Variants in ESPL1 observed in about 807,000 individuals in gnomAD.
ESPL1 encodes the protein extra spindle pole bodies like 1, separase.
A neutral mutation model predicts 217.2 loss-of-function variants in ESPL1; 50 were observed. The ratio of observed to expected loss-of-function variants is 0.23; its 90% CI spans 0.18 to 0.29. The LOEUF is 0.29. ESPL1 is among the 10% of genes least tolerant of loss of function. ESPL1 has a pLI of 1.00. For missense variants in ESPL1, 1,834 were observed against 2,603.0 expected, an observed-to-expected ratio of 0.70 and a Z score of 6.43; for synonymous variants, 994 against 1,081.3, an observed-to-expected ratio of 0.92 and a Z score of 1.58.
At chr12:53,283,347 G>T in intron 15 of ESPL1, 35 bp from the exon 16 acceptor site, 2 of 1,613,328 alleles carry the variant, frequency 1.2e-6, no homozygotes, top group South Asian at 1.1e-5. Flanking sequence ...CCACACTGTG[G>T]CTGAGTGATG....
At chr12:53,287,516 C>T (rs1386748874) in intron 18 of ESPL1, 2 of 154,646 alleles carry the variant, frequency 1.3e-5, no homozygotes, top group Non-Finnish European at 2.9e-5. Context: ...AGGCGGGTGC[C>T]ACCACACCCA....
At chr12:53,278,044 C>A in intron 11 of ESPL1, 84 bp downstream of exon 11, 2 of 1,415,200 alleles carry the variant, frequency 1.4e-6, no homozygotes, top group Non-Finnish European at 1.9e-6. Flanking sequence ...GGCCTGTGAT[C>A]CTCCTGAGAA....
chr12:53,281,598 G>A lies in ESPL1; in HGVS notation c.2591G>A (p.Arg864Gln), dbSNP rs752710244. ...LLLSLTCDLL[R>Q]SQLYWTHQKV... ...CTTTCCCTGACCTGTGATCTGCTTC[G>A]AAGTCAACTCTACTGGACTCACCAG... is the stretch of plus-strand genomic sequence containing the variant. The change falls in exon 13 of 31, where the codon CGA becomes CAA. Residue 864 changes from arginine to glutamine, a missense_variant. Coordinates refer to ENST00000257934, the MANE Select transcript of ESPL1 (RefSeq NM_012291.5). 28 of 1,613,638 alleles carry A rather than the reference G, an allele frequency of 1.7e-5. No homozygotes were observed. The highest frequency in any genetic ancestry group is 4.4e-5 in the South Asian group (4 of 91,070).
Position 53,284,158 on chromosome 12 carries a change from T to C in ESPL1, c.3178T>C (p.Ser1060Pro), listed in dbSNP as rs370401595. 2.4e-5 allele frequency: 39 copies of C among 1,607,312 alleles called. No individual in the cohort carries two copies. The highest frequency in any genetic ancestry group is 1.1e-4 in the South Asian group (10 of 90,958). The change falls in exon 17 of 31, where the codon TCT (serine) becomes CCT (proline). Residue 1060 changes from serine to proline, a missense_variant. Physicochemically the swap from Ser to Pro is moderately conservative, Grantham distance 74. This residue lies in a region of ESPL1 where 681 missense variants were observed against 808.0 expected (regional missense o/e 0.84). Coordinates refer to ENST00000257934, the MANE Select transcript of ESPL1 (RefSeq NM_012291.5). ...DLQQVLFLLE[S>P]CTEFGGVTQH... Reference sequence around the variant, plus strand: ...GCAGCAGGTTCTGTTCTTGCTTGAGTCTTGCACAGGTGAGCAGCCATGTCC... The same window carrying C: ...GCAGCAGGTTCTGTTCTTGCTTGAGCCTTGCACAGGTGAGCAGCCATGTCC...
Position 53,288,035 on chromosome 12 carries a change from G to A in ESPL1, c.4240G>A (p.Glu1414Lys). 1 of 1,613,484 alleles carries A rather than the reference G, an allele frequency of 6.2e-7. No homozygotes were observed. Among genetic ancestry groups the A allele is most frequent in the Non-Finnish European group, 8.5e-7 (1 of 1,179,946 alleles). ...PVSAEAWLAE[E>K]PKRRGTASRG... The stretch of plus-strand genomic sequence containing the variant: ...CTCAGCTGAGGCCTGGCTGGCAGAG[G>A]AGCCTAAGAGACGGGGCACTGCTTC... The change falls in exon 19 of 31, where the codon GAG (glutamate) becomes AAG (lysine). Residue 1414 changes from glutamate (E) to lysine (K), a missense_variant. Around this residue, in one of 5 missense-constraint regions of ESPL1, gnomAD observed 681 missense variants for 808.0 expected, o/e 0.84. Transcript: ENST00000257934.
intron 13 of ESPL1, 89 bp downstream of exon 13, chr12:53,281,715 C>T: frequency 7.7e-7 from 1 of 1,302,516 alleles, no homozygotes. Flanking sequence ...TTGAGATTTC[C>T]CTGGAGCTAG....
intron 25 of ESPL1, 91 bp from the exon 26 acceptor site, chr12:53,291,598 AG>A (rs939130330): frequency 1.4e-6 from 2 of 1,401,350 alleles, no homozygotes; most frequent in African/African-American, 2.9e-5. Context: ...CAAAAAAAAA[AG>A]AAAACAGGGA....
intron 14 of ESPL1, 127 bp from the exon 15 acceptor site, chr12:53,283,002 T>G: frequency 2.2e-4 from 275 of 1,222,222 alleles, no homozygotes; most frequent in Non-Finnish European, 3.0e-4. Context: ...GAAGGAGTTA[T>G]GAGATTGATT....
Position 53,286,248 on chromosome 12 carries a change from G to A in ESPL1, c.3512G>A (p.Arg1171Lys). The A allele has an allele frequency of 6.2e-7, 1 of 1,614,240 alleles. No homozygotes were observed. ...TGGGTATTGGTCACGGCAGGGGTGA[G>A]GCTGGCCATGGGCCACCAAGCCCAG... ...LRWVLVTAGV[R>K]LAMGHQAQGL... The change falls in exon 18 of 31, where the codon AGG becomes AAG. Residue 1171 changes from arginine (R) to lysine (K), a missense_variant. Physicochemically the swap from Arg to Lys is conservative, Grantham distance 26. Coordinates refer to ENST00000257934, the MANE Select transcript of ESPL1 (RefSeq NM_012291.5). This position sits in a 1 kb window ranked among gnomAD's most constrained non-coding sequence, Gnocchi z 5.3.
chr12:53,281,134 CTTTTTTTTTTT>C (rs71068103), intron 12 of ESPL1, among the ~76,000 whole-genome samples: 1 of 72,400 alleles, frequency 1.4e-5, no homozygotes, highest in African/African-American at 5.4e-5. Context: ...CTTTACTCCA[CTTTTTTTTTTT>C]TTTTTTTTTT....
In ESPL1 at chr12:53,287,968, T is replaced by C; in HGVS notation, c.4177-4T>C. 6.3e-7 allele frequency: 1 copy of C among 1,590,338 alleles called. No individual in the cohort carries two copies. The highest frequency in any genetic ancestry group is 8.6e-7 in the Non-Finnish European group (1 of 1,168,158). On this transcript the variant is annotated splice_region_variant and splice_polypyrimidine_tract_variant and intron_variant, in intron 18 of 30. Transcript: ENST00000257934. The stretch of plus-strand genomic sequence containing the variant: ...AGCCCTTCACCCTTTCACTCTGATC[T>C]CAGGTGAACTTCAGTGATGACAGTG...
Position 53,277,068 on chromosome 12 carries a change from ATCT to A in ESPL1, c.1941-11_1941-9del, listed in dbSNP as rs767446409. On this transcript the variant is annotated splice_polypyrimidine_tract_variant and intron_variant, in intron 8 of 30. Coordinates refer to ENST00000257934, the MANE Select transcript of ESPL1 (RefSeq NM_012291.5). ...CTCATAGTAGGCCCAGCTTAAGCAC[ATCT>A]TCTCCCTGCAGCTCTGCTCTGGATG... 1.4e-5 allele frequency: 22 copies of A among 1,609,800 alleles called. No homozygotes were observed. The highest frequency in any genetic ancestry group is 2.2e-5 in the East Asian group (1 of 44,730).
chr12:53,271,642 G>A (rs920707884), intron 5 of ESPL1, among the ~76,000 whole-genome samples: 6 of 150,570 alleles, frequency 4.0e-5, no homozygotes, highest in African/African-American at 1.5e-4. Flanking sequence ...GCCTGGGCAA[G>A]AGGGCACTCC....
Position 53,272,771 on chromosome 12 carries a change from G to A in ESPL1, c.1420G>A (p.Ala474Thr), listed in dbSNP as rs1592478294. ...CAGCTTCTATAGTCACAAGCTCTAT[G>A]CCGAGGCCTGTGCCATCTCTGAGCC... is the stretch of plus-strand genomic sequence containing the variant. ...AYSFYSHKLY[A>T]EACAISEPLC... The change falls in exon 6 of 31, where the codon GCC (alanine) becomes ACC (threonine). Residue 474 changes from alanine to threonine, a missense_variant. Physicochemically the swap from Ala to Thr is moderately conservative, Grantham distance 58. This residue lies in a region of ESPL1 where 746 missense variants were observed against 1,077.0 expected (regional missense o/e 0.69). Coordinates refer to ENST00000257934, the MANE Select transcript of ESPL1 (RefSeq NM_012291.5). 1.2e-6 allele frequency: 2 copies of A among 1,614,016 alleles called. No individual in the cohort carries two copies. Among genetic ancestry groups the A allele is most frequent in the African/African-American group, 1.3e-5 (1 of 74,912 alleles).
At chr12:53,274,760 C>A in intron 6 of ESPL1, 57 bp from the exon 7 acceptor site, 1 of 1,434,902 alleles carries the variant, frequency 7.0e-7, no homozygotes, top group Non-Finnish European at 9.8e-7. Context: ...TATCCCCTTC[C>A]ACCATACACA....
rs1435137411 is a variant in ESPL1, at chr12:53,288,154, C to T, written c.4359C>T (p.Gly1453=). 1.9e-6 allele frequency: 3 copies of T among 1,613,136 alleles called. No individual in the cohort carries two copies. In the Admixed American group the frequency reaches 5.0e-5, roughly 27 times the overall value. Residue 1453 remains glycine (G), a synonymous_variant, in exon 19 of 31, where the codon GGC becomes GGT. Coordinates refer to ENST00000257934, the MANE Select transcript of ESPL1 (RefSeq NM_012291.5). The part of the protein sequence containing the change: ...GSAPGNPGLN[G]RSRRAKKVAS... ...CCCCTGGGAACCCTGGCCTGAATGG[C>T]AGGAGCCGGAGGGCCAAGAAGGTGG...
rs150442464 is a variant in ESPL1 at position 53,287,349 on chromosome 12, C to T, written c.4176+437C>T. Reference sequence around the variant, plus strand: ...GGCCTCCCAAAGTGCTGGGGATTACCGGCGTGAGCCACCATGCTCAGCCTC... The same window carrying T: ...GGCCTCCCAAAGTGCTGGGGATTACTGGCGTGAGCCACCATGCTCAGCCTC... On this transcript the variant is annotated intron_variant, in intron 18 of 30. Transcript: ENST00000257934. The T allele has an allele frequency of 8.7e-3, 1,343 of 154,598 alleles. 24 individuals carry two copies. The highest frequency in any genetic ancestry group is 0.031 in the African/African-American group (1,283 of 40,932). The allele number at this position is 154,598 out of a possible 1,614,324, so 9.6% of individuals were successfully genotyped here.
At position 53,269,369 on chromosome 12, in the gene ESPL1, G is replaced by A. The variant is rs199588886; in HGVS notation, c.427G>A (p.Val143Met). 3.8e-5 allele frequency: 62 copies of A among 1,613,924 alleles called. No individual in the cohort carries two copies. The highest frequency in any genetic ancestry group is 5.2e-5 in the Non-Finnish European group (61 of 1,180,046). ...GGCTGCTCCCCAGGACTATGAGGCC[G>A]TGGCTCGGGGCAGCTTTTCTCTGCT... ...REAAPQDYEA[V>M]ARGSFSLLWK... Residue 143 changes from valine (V) to methionine (M), a missense_variant, in exon 3 of 31, where the codon GTG becomes ATG. Physicochemically the swap from Val to Met is conservative, Grantham distance 21. Transcript: ENST00000257934. This position sits in a 1 kb window ranked among gnomAD's most constrained non-coding sequence, Gnocchi z 6.7.
At position 53,291,711 on chromosome 12, in the gene ESPL1, G is replaced by A. The variant is rs755057929; in HGVS notation, c.5542G>A (p.Ala1848Thr). 7 of 1,613,904 alleles carry A rather than the reference G, an allele frequency of 4.3e-6. No homozygotes were observed. Among genetic ancestry groups the A allele is most frequent in the Non-Finnish European group, 5.9e-6 (7 of 1,179,882 alleles). ...GCAGATCATGCTCAGTGGTGCCGGTGCCCTCACCCCTCAGGACATTCAGGC... is the reference window on the plus strand; with the variant it reads ...GCAGATCATGCTCAGTGGTGCCGGTACCCTCACCCCTCAGGACATTCAGGC... ...LLKIMLSGAG[A>T]LTPQDIQALA... The change falls in exon 26 of 31, where the codon GCC (alanine) becomes ACC (threonine). Residue 1848 changes from alanine (A) to threonine (T), a missense_variant. Transcript: ENST00000257934.
Sources: allele counts gnomAD v4.1 joint callset (sites outside exome capture counted in the v4.1 genomes callset), GRCh38; gene constraint gnomAD v4.1.1; regional missense constraint gnomAD v4.1.1; non-coding constraint Gnocchi (gnomAD v3.1); transcripts MANE v1.5; gene names NCBI Gene and HGNC (gene_info 2026-07-23, HGNC 2026-07-21).